Variants in DNM1L observed in about 807,000 individuals in gnomAD.
The protein encoded by DNM1L is dynamin-1-like protein.
In DNM1L, 33 loss-of-function variants were observed where a neutral mutation model predicts 92.8. The observed-to-expected ratio is 0.36, with a 90% CI of 0.27 to 0.48. The LOEUF (loss-of-function observed/expected upper bound fraction) is 0.48. Among genes scored for constraint, DNM1L ranks in the 20% least tolerant of loss-of-function variants. The pLI is 0.99. For missense variants in DNM1L, 485 were observed against 888.8 expected (o/e 0.55, Z 5.78); for synonymous variants, 284 against 305.0 (o/e 0.93, Z 0.72).
intron 6 of DNM1L, among the ~76,000 whole-genome samples, chr12:32,715,127 CTG>C (rs1453171150): frequency 6.9e-6 from 1 of 144,484 alleles, no homozygotes; most frequent in African/African-American, 2.6e-5. Flanking sequence ...GGGTCTCACT[CTG>C]TTGCCCAGGC....
At chr12:32,683,608 G>A (rs962273763) in intron 1 of DNM1L, among the ~76,000 whole-genome samples, 1 of 151,810 alleles carries the variant, frequency 6.6e-6, no homozygotes, top group Non-Finnish European at 1.5e-5. Context: ...GCAGTGGTGC[G>A]ATCTCAACTC....
At chr12:32,698,243 A>G (rs1278881100) in intron 1 of DNM1L, among the ~76,000 whole-genome samples, 2 of 152,206 alleles carry the variant, frequency 1.3e-5, no homozygotes, top group African/African-American at 4.8e-5. Context: ...GACAACATGA[A>G]TGAGCCCCTA....
chr12:32,684,860 T>G (rs1023484937), intron 1 of DNM1L, among the ~76,000 whole-genome samples: 7 of 152,172 alleles, frequency 4.6e-5, no homozygotes, highest in Admixed American at 2.0e-4. Flanking sequence ...TGATGAATTT[T>G]TGGGTTGTTT....
rs370363569 is a variant in DNM1L at position 32,742,676 on chromosome 12, C to T, written c.2082C>T (p.Ser694=). 135 of 1,613,870 alleles carry T rather than the reference C, an allele frequency of 8.4e-5. No individual in the cohort carries two copies. The highest frequency in any genetic ancestry group is 1.1e-4 in the Non-Finnish European group (128 of 1,180,010). Residue 694 remains serine, a synonymous_variant, in exon 19 of 20, where the codon TCC becomes TCT. Transcript: ENST00000549701. The part of the protein sequence containing the change: ...SELVGQLYKS[S]LLDDLLTESE... Reference sequence around the variant, plus strand: ...TAGTAGGCCAGCTGTATAAATCATCCTTATTGGATGATCTTCTGACAGAAT... The same window carrying T: ...TAGTAGGCCAGCTGTATAAATCATCTTTATTGGATGATCTTCTGACAGAAT...
intron 1 of DNM1L, among the ~76,000 whole-genome samples, chr12:32,693,856 T>C (rs925435532): frequency 6.6e-5 from 10 of 152,114 alleles, no homozygotes; most frequent in African/African-American, 2.4e-4. Context: ...CAGGATGGTC[T>C]TGAACTCCTT....
chr12:32,707,465 A>G (rs1242145496), intron 3 of DNM1L, 52 bp downstream of exon 3: 1 of 1,289,260 alleles, frequency 7.8e-7, no homozygotes. Flanking sequence ...AATATATTGT[A>G]TGAATACTTG....
At chr12:32,693,549 C>G (rs548143722) in intron 1 of DNM1L, among the ~76,000 whole-genome samples, 1 of 152,244 alleles carries the variant, frequency 6.6e-6, no homozygotes, top group Non-Finnish European at 1.5e-5. Flanking sequence ...GAGATACACT[C>G]TATACCATAA....
At chr12:32,692,068 C>G (rs1159309540) in intron 1 of DNM1L, among the ~76,000 whole-genome samples, 1 of 152,062 alleles carries the variant, frequency 6.6e-6, no homozygotes, top group Non-Finnish European at 1.5e-5. Context: ...TAATAGAGTT[C>G]TTAGGGAAAT....
In DNM1L at chr12:32,693,551, A is replaced by G. The variant is rs1952312026; in HGVS notation, c.103-7864A>G. On this transcript the variant is annotated intron_variant, in intron 1 of 19. Coordinates refer to ENST00000549701, the MANE Select transcript of DNM1L (RefSeq NM_012062.5). The stretch of plus-strand genomic sequence containing the variant: ...TAACAGCTTTACTGAGATACACTCT[A>G]TACCATAACATACCCATTTACAATG... Among the ~76,000 whole-genome samples the G allele has an allele frequency of 3.9e-5, 6 of 152,250 alleles. No homozygotes were observed. In the South Asian group the frequency reaches 1.2e-3, roughly 32 times the overall value.
At chr12:32,711,156 A>T (rs1243014617) in intron 5 of DNM1L, 141 bp downstream of exon 5, 1 of 746,698 alleles carries the variant, frequency 1.3e-6, no homozygotes, top group Non-Finnish European at 2.3e-6. Flanking sequence ...TCTCCTTGAA[A>T]CACTTTCTTT....
chr12:32,713,692 T>C (rs749259505), intron 6 of DNM1L, among the ~76,000 whole-genome samples: 10 of 152,086 alleles, frequency 6.6e-5, no homozygotes, highest in Non-Finnish European at 1.5e-4. Flanking sequence ...TAAGAATAAA[T>C]AACATAGCCA....
rs531687403 is a variant in DNM1L, at chr12:32,743,550, G to A, written c.*140G>A. On this transcript the variant is annotated 3_prime_UTR_variant, in exon 20 of 20. Coordinates refer to ENST00000549701, the MANE Select transcript of DNM1L (RefSeq NM_012062.5). ...GTGGAGACTGGCTATAAACTGAAAAGTGTATTCCAAATTGCAGAACACATC... is the reference window on the plus strand; with the variant it reads ...GTGGAGACTGGCTATAAACTGAAAAATGTATTCCAAATTGCAGAACACATC... 2 of 778,360 alleles carry A rather than the reference G, an allele frequency of 2.6e-6. No homozygotes were observed. Among genetic ancestry groups the A allele is most frequent in the South Asian group, 1.6e-5 (1 of 62,230 alleles). The allele number at this position is 778,360 out of a possible 1,614,324, so 48.2% of individuals were successfully genotyped here. A position where few individuals can be genotyped will look rare whatever the true frequency, so the allele number is the denominator to read the frequency against.
Position 32,742,888 on chromosome 12 carries a change from C to CTTTT in DNM1L, c.2154+162_2154+165dup, listed in dbSNP as rs36039451. On this transcript the variant is annotated intron_variant, in intron 19 of 19. Transcript: ENST00000549701. ...TTTCCTGTTGGTACTTGATAAGAAT[C>CTTTT]TTTTTTTTTTTTTTTTTTTTTTTTT... The CTTTT allele has an allele frequency of 2.0e-3, 487 of 248,552 alleles. 4 individuals are homozygous for CTTTT. Among genetic ancestry groups the CTTTT allele is most frequent in the African/African-American group, 5.9e-3 (127 of 21,476 alleles). 15.4% of individuals were successfully genotyped at this position (248,552 alleles called of 1,614,324 possible). A position where few individuals can be genotyped will look rare whatever the true frequency, so the allele number is the denominator to read the frequency against.
At chr12:32,684,910 C>G (rs1396608297) in intron 1 of DNM1L, among the ~76,000 whole-genome samples, 1 of 150,926 alleles carries the variant, frequency 6.6e-6, no homozygotes, top group East Asian at 1.9e-4. Context: ...GCTCTGCGAA[C>G]ATTCGTTTAC....
intron 1 of DNM1L, among the ~76,000 whole-genome samples, chr12:32,681,576 C>G (rs1951806894): frequency 1.4e-5 from 2 of 142,404 alleles, no homozygotes; most frequent in African/African-American, 5.2e-5. Flanking sequence ...CCCCCCCCGC[C>G]CCTATTTTCT....
At chr12:32,681,573 C>T (rs1205567422) in intron 1 of DNM1L, among the ~76,000 whole-genome samples, 1 of 144,408 alleles carries the variant, frequency 6.9e-6, no homozygotes, top group Admixed American at 6.9e-5. Flanking sequence ...CCGCCCCCCC[C>T]GCCCCTATTT....
chr12:32,703,203 G>A (rs1347111861), intron 2 of DNM1L, among the ~76,000 whole-genome samples: 2 of 151,956 alleles, frequency 1.3e-5, no homozygotes, highest in Admixed American at 6.6e-5. Flanking sequence ...TTCAGCTATC[G>A]TAGTGTCAGC....
chr12:32,692,859 C>T (rs1952286883), intron 1 of DNM1L: 1 of 152,178 alleles, frequency 6.6e-6, no homozygotes, highest in African/African-American at 2.4e-5. Context: ...TATGTTTTTA[C>T]ACAGTCATGT....
intron 1 of DNM1L, among the ~76,000 whole-genome samples, chr12:32,688,740 T>C (rs908439110): frequency 6.6e-6 from 1 of 152,346 alleles, no homozygotes; most frequent in Non-Finnish European, 1.5e-5. Flanking sequence ...GTGGGGATTT[T>C]CACAGACGAT....
Sources: gnomAD v4.1 joint callset for allele counts (sites outside exome capture counted in the v4.1 genomes callset) on GRCh38, gnomAD v4.1.1 for gene constraint, MANE v1.5 for transcripts, NCBI Gene and HGNC (gene_info 2026-07-23, HGNC 2026-07-21) for gene names.